EPHA6: variants seen among roughly 807,000 people sequenced by gnomAD.
The protein encoded by EPHA6 is EPH receptor A6.
A neutral mutation model predicts 112.0 loss-of-function variants in EPHA6; 50 were observed. The observed-to-expected ratio is 0.45, with a 90% CI of 0.36 to 0.56. The LOEUF (loss-of-function observed/expected upper bound fraction) is 0.56. Among genes scored for constraint, EPHA6 ranks in the 20% least tolerant of loss-of-function variants. The probability of loss-of-function intolerance (pLI) is 0.00; values close to 1 mark genes in which losing one functional copy is unlikely to be tolerated. For synonymous variants in EPHA6, 529 were observed against 490.7 expected, an observed-to-expected ratio of 1.08 and a Z score of -1.03; for missense variants, 1,280 against 1,417.4, an observed-to-expected ratio of 0.90 and a Z score of 1.56.
At chr3:97,102,344 C>A (rs1000200952) in intron 3 of EPHA6, among the ~76,000 whole-genome samples, 1 of 151,974 alleles carries the variant, frequency 6.6e-6, no homozygotes, top group African/African-American at 2.4e-5. Flanking sequence ...TCAGCTGAGT[C>A]CTAACCAAAC....
At chr3:97,418,584 C>A (rs1207070762) in intron 6 of EPHA6, among the ~76,000 whole-genome samples, 1 of 151,782 alleles carries the variant, frequency 6.6e-6, no homozygotes, top group Non-Finnish European at 1.5e-5. Context: ...ATGATATATG[C>A]CAAACTATTT....
chr3:97,470,094 T>A (rs2091182723), intron 7 of EPHA6, among the ~76,000 whole-genome samples: 1 of 151,872 alleles, frequency 6.6e-6, no homozygotes, highest in South Asian at 2.1e-4. Flanking sequence ...TATCTCATAC[T>A]CTTCTGTCTG....
intron 3 of EPHA6, among the ~76,000 whole-genome samples, chr3:97,028,986 C>G (rs879755612): frequency 6.6e-6 from 1 of 150,722 alleles, no homozygotes; most frequent in Admixed American, 6.6e-5. Flanking sequence ...CATTTATAAA[C>G]AAGAAGGAAA....
intron 3 of EPHA6, among the ~76,000 whole-genome samples, chr3:97,107,739 GTAT>G (rs1349147167): frequency 6.6e-6 from 1 of 152,092 alleles, no homozygotes; most frequent in African/African-American, 2.4e-5. Flanking sequence ...TGATTCTGAT[GTAT>G]TAGGGAGGCT....
At chr3:97,025,708 C>T (rs1228645710) in intron 3 of EPHA6, among the ~76,000 whole-genome samples, 2 of 152,150 alleles carry the variant, frequency 1.3e-5, no homozygotes, top group Non-Finnish European at 2.9e-5. Context: ...TCTGCCTCAG[C>T]CTCCCGAGTA....
At chr3:96,977,331 T>C (rs889303638) in intron 2 of EPHA6, among the ~76,000 whole-genome samples, 2 of 152,144 alleles carry the variant, frequency 1.3e-5, no homozygotes, top group African/African-American at 4.8e-5. Context: ...CACATAGATG[T>C]ACACTGTGGA....
At chr3:97,522,706 T>G (rs569077820) in intron 10 of EPHA6, among the ~76,000 whole-genome samples, 1 of 152,234 alleles carries the variant, frequency 6.6e-6, no homozygotes, top group South Asian at 2.1e-4. Flanking sequence ...TTTTTAGTGT[T>G]GATTCAGTTT....
intron 3 of EPHA6, among the ~76,000 whole-genome samples, chr3:97,145,521 A>G (rs1029152738): frequency 1.3e-5 from 2 of 149,712 alleles, no homozygotes; most frequent in African/African-American, 5.0e-5. Flanking sequence ...ATTTACCTTT[A>G]GGAAATGACA....
intron 1 of EPHA6, among the ~76,000 whole-genome samples, chr3:96,838,440 G>C (rs563439602): frequency 6.6e-6 from 1 of 152,068 alleles, no homozygotes; most frequent in Non-Finnish European, 1.5e-5. Context: ...GGGTTGAATA[G>C]TATTTCTGCC....
intron 14 of EPHA6, among the ~76,000 whole-genome samples, chr3:97,715,480 T>C (rs914945608): frequency 5.3e-5 from 8 of 152,206 alleles, no homozygotes; most frequent in South Asian, 4.1e-4. Context: ...TAGAGATAGA[T>C]TGAGAACAGA....
At chr3:96,980,147 A>G (rs1467156755) in intron 2 of EPHA6, among the ~76,000 whole-genome samples, 1 of 152,154 alleles carries the variant, frequency 6.6e-6, no homozygotes, top group Non-Finnish European at 1.5e-5. Flanking sequence ...CCTGAACGGT[A>G]TTACCTAGGT....
chr3:97,640,175 G>A (rs374049260), intron 14 of EPHA6, among the ~76,000 whole-genome samples: 8 of 152,194 alleles, frequency 5.3e-5, no homozygotes, highest in Non-Finnish European at 7.4e-5. Flanking sequence ...TGAAGAAGGC[G>A]TCACAAAAAG....
At chr3:97,648,687 A>ATTT in intron 14 of EPHA6, 3 of 1,022,168 alleles carry the variant, frequency 2.9e-6, no homozygotes, top group Non-Finnish European at 3.5e-6. Flanking sequence ...TTGTCTCTTA[A>ATTT]ATTAAAGAGT....
chr3:97,361,149 A>T (rs750037234), intron 5 of EPHA6, among the ~76,000 whole-genome samples: 4 of 152,216 alleles, frequency 2.6e-5, no homozygotes, highest in Non-Finnish European at 5.9e-5. Context: ...TTTCATAGGC[A>T]TGCATCATTT....
rs535830238 is a variant in EPHA6, at chr3:97,456,693, G to A, written c.1894+7963G>A. Among the ~76,000 whole-genome samples the A allele has an allele frequency of 7.9e-5, 12 of 152,254 alleles. No individual in the cohort carries two copies. In the South Asian group the frequency reaches 2.5e-3, roughly 32 times the overall value. ...AATATATGGTCTCTGTCCTCAGGAA[G>A]CTTATCACTAACCCACACTAGAGAT... On this transcript the variant is annotated intron_variant, in intron 7 of 17. Transcript: ENST00000389672.
chr3:97,512,881 T>C (rs1367596062), intron 10 of EPHA6, among the ~76,000 whole-genome samples: 1 of 152,210 alleles, frequency 6.6e-6, no homozygotes, highest in Non-Finnish European at 1.5e-5. Context: ...TGATTGTTTT[T>C]ATTTCCTGAC....
chr3:97,611,445 T>G (rs2093719707), intron 13 of EPHA6, among the ~76,000 whole-genome samples: 1 of 151,868 alleles, frequency 6.6e-6, no homozygotes, highest in Non-Finnish European at 1.5e-5. Flanking sequence ...CGAAAAGTAA[T>G]TTATTATAGA....
At chr3:97,077,030 A>G (rs1240717511) in intron 3 of EPHA6, among the ~76,000 whole-genome samples, 13 of 152,140 alleles carry the variant, frequency 8.5e-5, no homozygotes, top group Non-Finnish European at 1.3e-4. Flanking sequence ...TGCTAAATAC[A>G]ACATCTGTGC....
intron 2 of EPHA6, among the ~76,000 whole-genome samples, chr3:96,936,526 TTTG>T (rs919374231): frequency 6.6e-6 from 1 of 151,862 alleles, no homozygotes; most frequent in African/African-American, 2.4e-5. Flanking sequence ...TGTAATTCTT[TTTG>T]TTCTGTACTT....
Sources: allele counts gnomAD v4.1 joint callset (sites outside exome capture counted in the v4.1 genomes callset), GRCh38; gene constraint gnomAD v4.1.1; transcripts MANE v1.5; gene names NCBI Gene and HGNC (gene_info 2026-07-23, HGNC 2026-07-21).